FNIP1: variants seen among roughly 807,000 people sequenced by gnomAD.
FNIP1 encodes folliculin interacting protein 1.
A neutral mutation model predicts 124.5 loss-of-function variants in FNIP1; 40 were observed. The ratio of observed to expected loss-of-function variants is 0.32; its 90% CI spans 0.25 to 0.42. The LOEUF (loss-of-function observed/expected upper bound fraction) is 0.42. Among genes scored for constraint, FNIP1 ranks in the 10% least tolerant of loss-of-function variants. The probability of loss-of-function intolerance (pLI) is 1.00; values close to 1 mark genes in which losing one functional copy is unlikely to be tolerated. For missense variants in FNIP1, 1,176 were observed against 1,403.7 expected (o/e 0.84, Z 2.59); for synonymous variants, 472 against 470.6 (o/e 1.00, Z -0.04).
At chr5:131,781,089 T>C (rs574974792) in intron 1 of FNIP1, among the ~76,000 whole-genome samples, 2 of 152,260 alleles carry the variant, frequency 1.3e-5, no homozygotes, top group South Asian at 4.1e-4. Flanking sequence ...ATATGAATGG[T>C]CTGGATGGAA....
At chr5:131,650,114 T>G (rs920850219) in intron 16 of FNIP1, among the ~76,000 whole-genome samples, 40 of 152,196 alleles carry the variant, frequency 2.6e-4, no homozygotes, top group African/African-American at 9.4e-4. Context: ...CTCTTGAGAT[T>G]CTTAATGTAT....
At chr5:131,671,366 T>C in intron 14 of FNIP1, 139 bp downstream of exon 14, 1 of 731,296 alleles carries the variant, frequency 1.4e-6, no homozygotes, top group Non-Finnish European at 2.2e-6. Context: ...TTACTCCTTC[T>C]TATGAGTTAA....
chr5:131,664,962 TTGTG>T (rs1767552208), intron 15 of FNIP1, among the ~76,000 whole-genome samples: 1 of 151,354 alleles, frequency 6.6e-6, no homozygotes, highest in Non-Finnish European at 1.5e-5. Flanking sequence ...AATGATATGC[TTGTG>T]TATTTATCTG....
chr5:131,686,677 A>T (rs900374506), intron 11 of FNIP1, among the ~76,000 whole-genome samples: 1 of 152,220 alleles, frequency 6.6e-6, no homozygotes, highest in African/African-American at 2.4e-5. Flanking sequence ...CCAACAATCC[A>T]ATCATACTCT....
chr5:131,728,121 A>C (rs1418135445), intron 3 of FNIP1, among the ~76,000 whole-genome samples: 3 of 151,890 alleles, frequency 2.0e-5, no homozygotes, highest in Admixed American at 6.6e-5. Flanking sequence ...TTTTTCCTTC[A>C]TTTCAACCTT....
chr5:131,726,630 T>C (rs769181351), intron 3 of FNIP1, among the ~76,000 whole-genome samples: 11 of 152,196 alleles, frequency 7.2e-5, no homozygotes, highest in Non-Finnish European at 1.0e-4. Context: ...GATTCATTGA[T>C]TTTTTGAAGG....
At chr5:131,695,194 A>G (rs1395992765) in intron 11 of FNIP1, among the ~76,000 whole-genome samples, 1 of 152,198 alleles carries the variant, frequency 6.6e-6, no homozygotes, top group Non-Finnish European at 1.5e-5. Flanking sequence ...GAAGAGGGCT[A>G]TATGAAAAAA....
Position 131,672,559 on chromosome 5 carries a change from CTT to C in FNIP1, c.1883_1884del (p.Gln628ArgfsTer10). 2 of 1,614,078 alleles carry C rather than the reference CTT, an allele frequency of 1.2e-6. No homozygotes were observed. The highest frequency in any genetic ancestry group is 1.7e-6 in the Non-Finnish European group (2 of 1,180,026). On this transcript the variant is annotated frameshift_variant, in exon 14 of 18. Transcript: ENST00000510461. LOFTEE classifies it high-confidence loss of function. ...GAGCTGTTTTGAATATCTTCTCTCT[CTT>C]GTTGTGAAATGTTCTCTACATTTTG... ...LGQNVENISQ[Q>X]EREDIQNSSK...
intron 1 of FNIP1, among the ~76,000 whole-genome samples, chr5:131,751,594 A>G (rs998225457): frequency 2.0e-5 from 3 of 152,158 alleles, no homozygotes; most frequent in African/African-American, 4.8e-5. Context: ...AGAAGAAGAA[A>G]AAACAAATGT....
At chr5:131,658,217 A>C (rs140122774) in intron 15 of FNIP1, among the ~76,000 whole-genome samples, 2 of 152,282 alleles carry the variant, frequency 1.3e-5, no homozygotes, top group South Asian at 4.1e-4. Flanking sequence ...ACGTTAGACA[A>C]TCTAGCAGAA....
intron 1 of FNIP1, among the ~76,000 whole-genome samples, chr5:131,776,856 A>C (rs775272643): frequency 6.6e-6 from 1 of 152,222 alleles, no homozygotes; most frequent in African/African-American, 2.4e-5. Flanking sequence ...TATATTATAT[A>C]AAGTGTGTTC....
At chr5:131,729,111 T>C (rs1769989866) in intron 3 of FNIP1, among the ~76,000 whole-genome samples, 1 of 152,004 alleles carries the variant, frequency 6.6e-6, no homozygotes. Flanking sequence ...CTGTATGTGA[T>C]GTCTGTTGAC....
chr5:131,740,442 T>C (rs995305702), intron 2 of FNIP1, among the ~76,000 whole-genome samples: 26 of 152,250 alleles, frequency 1.7e-4, no homozygotes, highest in African/African-American at 6.3e-4. Context: ...GTGAATTTAC[T>C]GATGTACAAC....
At chr5:131,699,389 TA>T (rs1768813329) in intron 10 of FNIP1, among the ~76,000 whole-genome samples, 1 of 150,498 alleles carries the variant, frequency 6.6e-6, no homozygotes, top group Non-Finnish European at 1.5e-5. Context: ...ACACTTCTGT[TA>T]ACTCCTTTTT....
At chr5:131,697,675 T>C (rs1768747785) in intron 11 of FNIP1, among the ~76,000 whole-genome samples, 1 of 151,732 alleles carries the variant, frequency 6.6e-6, no homozygotes, top group South Asian at 2.1e-4. Context: ...GTAGGTTATG[T>C]TTACCATAGG....
intron 2 of FNIP1, among the ~76,000 whole-genome samples, chr5:131,736,866 T>C (rs1173556907): frequency 6.6e-6 from 1 of 152,194 alleles, no homozygotes; most frequent in Non-Finnish European, 1.5e-5. Context: ...AAATACACAT[T>C]GACGTATTCA....
Position 131,672,886 on chromosome 5 carries a change from C to T in FNIP1, c.1558G>A (p.Ala520Thr). 2 of 1,592,734 alleles carry T rather than the reference C, an allele frequency of 1.3e-6. No homozygotes were observed. Among genetic ancestry groups the T allele is most frequent in the Non-Finnish European group, 8.5e-7 (1 of 1,170,786 alleles). ...YGAIGSPVRL[A>T]RTVVVGKRQD... The stretch of plus-strand genomic sequence containing the variant: ...CGTTTGCCAACTACCACAGTCCTTG[C>T]TAACCGTACGGGAGAGCCAATAGCG... The change falls in exon 14 of 18, where the codon GCA becomes ACA. Residue 520 changes from alanine to threonine, a missense_variant. Coordinates refer to ENST00000510461, the MANE Select transcript of FNIP1 (RefSeq NM_133372.3).
chr5:131,748,694 C>T (rs1423957307), intron 1 of FNIP1, among the ~76,000 whole-genome samples: 6 of 57,226 alleles, frequency 1.0e-4, no homozygotes, highest in African/African-American at 3.6e-4. Context: ...GAGACTCTGT[C>T]TCAAAAAAAA....
rs1770616604 is a variant in FNIP1 at position 131,744,676 on chromosome 5, T to G, written c.107A>C (p.Glu36Ala). 3 of 1,608,754 alleles carry G rather than the reference T, an allele frequency of 1.9e-6. No individual in the cohort carries two copies. The highest frequency in any genetic ancestry group is 2.5e-6 in the Non-Finnish European group (3 of 1,177,372). ...CAGTCGAATCTGGCTTGGATCAAAC[T>G]CTGGTAAAGGCCAACTTGAAAGAAA... is the stretch of plus-strand genomic sequence containing the variant. ...PDCGFSWPLP[E>A]FDPSQIRLIV... Residue 36 changes from glutamate (E) to alanine (A), a missense_variant, in exon 2 of 18, where the codon GAG (glutamate) becomes GCG (alanine). Glu to Ala is a moderately radical substitution (Grantham distance 107, BLOSUM62 -1). Coordinates refer to ENST00000510461, the MANE Select transcript of FNIP1 (RefSeq NM_133372.3).
Sources: allele counts gnomAD v4.1 joint callset (sites outside exome capture counted in the v4.1 genomes callset), GRCh38; gene constraint gnomAD v4.1.1; transcripts MANE v1.5; gene names NCBI Gene and HGNC (gene_info 2026-07-23, HGNC 2026-07-21).